The following MAP2K2 variants were observed in gnomAD, a reference collection of about 807,000 sequenced individuals.
MAP2K2 encodes the protein mitogen-activated protein kinase kinase 2.
Under a neutral mutation model 43.7 loss-of-function variants are expected in MAP2K2, and 24 were observed. That is an observed-to-expected ratio of 0.55 (90% CI 0.40 to 0.77). The LOEUF (loss-of-function observed/expected upper bound fraction) is 0.77, where lower values mean the gene tolerates loss of function less well. MAP2K2 is among the 30% of genes least tolerant of loss of function. The probability of loss-of-function intolerance (pLI) is 0.00; values close to 1 mark genes in which losing one functional copy is unlikely to be tolerated. For missense variants in MAP2K2, 470 were observed against 566.8 expected (o/e 0.83, Z 1.73); for synonymous variants, 244 against 239.7 (o/e 1.02, Z -0.17).
At chr19:4,098,151 G>A (rs915116987) in intron 7 of MAP2K2, among the ~76,000 whole-genome samples, 11 of 152,204 alleles carry the variant, frequency 7.2e-5, no homozygotes, top group Admixed American at 1.3e-4. Flanking sequence ...GCACCATGGC[G>A]TGGATGACCC....
Position 4,107,872 on chromosome 19 carries a change from C to G in MAP2K2, c.450+2637G>C, listed in dbSNP as rs144741373. On this transcript the variant is annotated intron_variant, in intron 3 of 10. Transcript: ENST00000262948. ...CTGGGAGGAGCTCACACAGTCCTCA[C>G]CCCAGCAGGGACTACGACCTCCCTC... Among the ~76,000 whole-genome samples, 837 of 152,332 alleles carry G rather than the reference C, an allele frequency of 5.5e-3. 8 individuals carry two copies. Among genetic ancestry groups the G allele is most frequent in the African/African-American group, 0.018 (766 of 41,556 alleles).
chr19:4,098,705 C>T (rs1179745247), intron 7 of MAP2K2, among the ~76,000 whole-genome samples: 3 of 152,208 alleles, frequency 2.0e-5, no homozygotes, highest in Non-Finnish European at 4.4e-5. Context: ...CCTCCCGCCC[C>T]CTCCCGGGCT....
chr19:4,101,798 G>T lies in MAP2K2; in HGVS notation c.529-518C>A, dbSNP rs1035688371. 1.3e-5 allele frequency among the ~76,000 whole-genome samples: 2 copies of T among 152,176 alleles called. No homozygotes were observed. The highest frequency in any genetic ancestry group is 2.9e-5 in the Non-Finnish European group (2 of 68,014). On this transcript the variant is annotated intron_variant, in intron 4 of 10. Transcript: ENST00000262948. This position sits in a 1 kb window ranked among gnomAD's most constrained non-coding sequence, Gnocchi z 6.3. ...ACGGCAGCTTTCAACTCGGAAACGC[G>T]TGTCTGGCAGCATGCGTCCTGTGTC...
In MAP2K2 at chr19:4,117,408, G is replaced by A. The variant is rs200405512; in HGVS notation, c.303+11C>T. ...ACCACTCCCCGACCTCCCCGACCCC[G>A]CAGTGCTCACCTTCCTGGCCATGAT... is the stretch of plus-strand genomic sequence containing the variant. On this transcript the variant is annotated intron_variant, in intron 2 of 10. Transcript: ENST00000262948. 3.8e-4 allele frequency: 572 copies of A among 1,509,652 alleles called. 2 individuals are homozygous for A. The African/African-American group carries it at 6.5e-3, about 17-fold the overall frequency. 93.5% of individuals were successfully genotyped at this position (1,509,652 alleles called of 1,614,324 possible).
chr19:4,121,601 AC>A (rs1435445691), intron 1 of MAP2K2, among the ~76,000 whole-genome samples: 1 of 23,604 alleles, frequency 4.2e-5, no homozygotes, highest in Non-Finnish European at 7.5e-5. Flanking sequence ...CCCTAACCTG[AC>A]CCCCCCAGAA....
At chr19:4,100,980 A>G (rs2040999084) in intron 6 of MAP2K2, 39 bp downstream of exon 6, 3 of 1,550,092 alleles carry the variant, frequency 1.9e-6, no homozygotes, top group Non-Finnish European at 2.6e-6. Context: ...GGAGAGCAGC[A>G]GGGAGGAGAG....
intron 3 of MAP2K2, among the ~76,000 whole-genome samples, chr19:4,107,717 C>T (rs529612315): frequency 1.3e-5 from 2 of 151,552 alleles, no homozygotes; most frequent in South Asian, 4.2e-4. Flanking sequence ...CCCTACCCCC[C>T]ACAAAAAAAG....
intron 3 of MAP2K2, among the ~76,000 whole-genome samples, chr19:4,107,523 C>CAAAAAAAAAAAAAA (rs71166959): frequency 1.7e-5 from 1 of 59,310 alleles, no homozygotes; most frequent in African/African-American, 7.8e-5. Flanking sequence ...GACTCCGTCT[C>CAAAAAAAAAAAAAA]AAAAAAAAAA....
chr19:4,111,993 C>CAA (rs920806525), intron 2 of MAP2K2, among the ~76,000 whole-genome samples: 17 of 149,592 alleles, frequency 1.1e-4, no homozygotes, highest in African/African-American at 4.2e-4. Context: ...ACAACAACAA[C>CAA]AACAAAAACA....
chr19:4,102,630 C>G (rs1017255053), intron 3 of MAP2K2, 177 bp from the exon 4 acceptor site: 28 of 911,834 alleles, frequency 3.1e-5, no homozygotes, highest in Non-Finnish European at 4.6e-5. Context: ...GCCTTTGGGT[C>G]TGAACACCCA....
rs2145050467 is a variant in MAP2K2, at chr19:4,099,391, A to G, written c.729T>C (p.His243=). Reference sequence around the variant, plus strand: ...TCCAGATGTCCGACTGCACCGAGTAATGTGTGCCCTGCAACCGCTCCGGCT... The same window carrying G: ...TCCAGATGTCCGACTGCACCGAGTAGTGTGTGCCCTGCAACCGCTCCGGCT... The part of the protein sequence containing the change: ...YMAPERLQGT[H]YSVQSDIWSM... The change falls in exon 7 of 11, where the codon CAT becomes CAC. Residue 243 remains histidine, a synonymous_variant. Transcript: ENST00000262948. 1 of 1,610,948 alleles carries G rather than the reference A, an allele frequency of 6.2e-7. No individual in the cohort carries two copies. The highest frequency in any genetic ancestry group is 1.1e-5 in the South Asian group (1 of 90,738).
chr19:4,093,992 C>T (rs1378653668), intron 10 of MAP2K2, among the ~76,000 whole-genome samples: 4 of 152,084 alleles, frequency 2.6e-5, no homozygotes, highest in South Asian at 2.1e-4. Flanking sequence ...GCTGGGCTTC[C>T]GAGGATATCA....
intron 3 of MAP2K2, among the ~76,000 whole-genome samples, chr19:4,105,155 CGTGTGTGTGTGTGTGTGTGTGTGTGTGT>C (rs61710801): frequency 2.2e-5 from 3 of 137,688 alleles, no homozygotes; most frequent in Non-Finnish European, 3.1e-5. Context: ...ACACGTCTAC[CGTGTGTGTGTGTGTGTGTGTGTGTGTGT>C]GTGTGTGTGT....
chr19:4,091,677 C>A (rs2040856695), intron 10 of MAP2K2, among the ~76,000 whole-genome samples: 1 of 146,564 alleles, frequency 6.8e-6, no homozygotes, highest in Admixed American at 6.8e-5. Context: ...TTGAGACAGT[C>A]TTGCTCTGTC....
rs1349590706 is a variant in MAP2K2, at chr19:4,115,962, G to A, written c.303+1457C>T. ...CCCCTGGGCACTATTCTCAAACACA[G>A]AGCACAGAGGCTGCATCATGGCCCA... On this transcript the variant is annotated intron_variant, in intron 2 of 10. Transcript: ENST00000262948. This position sits in a 1 kb window ranked among gnomAD's most constrained non-coding sequence, Gnocchi z 4.1. Among the ~76,000 whole-genome samples, 2 of 152,118 alleles carry A rather than the reference G, an allele frequency of 1.3e-5. No homozygotes were observed. The highest frequency in any genetic ancestry group is 2.9e-5 in the Non-Finnish European group (2 of 68,026).
intron 3 of MAP2K2, chr19:4,103,263 T>C (rs577878746): frequency 2.0e-6 from 2 of 985,178 alleles, no homozygotes; most frequent in Non-Finnish European, 2.4e-6. Flanking sequence ...TGGCCCCACA[T>C]CCATGTCATA....
intron 1 of MAP2K2, among the ~76,000 whole-genome samples, chr19:4,122,400 CCCCTCACCCCATCT>C (rs1263477991): frequency 5.8e-5 from 1 of 17,382 alleles, no homozygotes; most frequent in East Asian, 1.2e-3. Context: ...CCATAGGGAC[CCCCTCACCCCATCT>C]CTCCCCCATA....
chr19:4,118,269 G>C (rs756890128), intron 1 of MAP2K2, among the ~76,000 whole-genome samples: 3 of 152,196 alleles, frequency 2.0e-5, no homozygotes, highest in Non-Finnish European at 2.9e-5. Context: ...ACGAGCTCCG[G>C]ACCATGTCGG....
At chr19:4,119,721 C>G (rs989120229) in intron 1 of MAP2K2, among the ~76,000 whole-genome samples, 1 of 152,204 alleles carries the variant, frequency 6.6e-6, no homozygotes, top group Non-Finnish European at 1.5e-5. Context: ...CCAGGGGCTA[C>G]TCAACCAGGC....
Sources: gnomAD v4.1 joint callset for allele counts (sites outside exome capture counted in the v4.1 genomes callset) on GRCh38, gnomAD v4.1.1 for gene constraint, Gnocchi (gnomAD v3.1) non-coding constraint, MANE v1.5 for transcripts, NCBI Gene and HGNC (gene_info 2026-07-23, HGNC 2026-07-21) for gene names.